PRELID2: variants seen among roughly 807,000 people sequenced by gnomAD.
PRELID2 encodes PRELI domain containing 2.
In PRELID2, 25 loss-of-function variants were observed where a neutral mutation model predicts 28.4. The ratio of observed to expected loss-of-function variants is 0.88; its 90% confidence interval spans 0.64 to 1.23. PRELID2 has a LOEUF of 1.23. Among genes scored for constraint, PRELID2 ranks in the 50% most tolerant of loss-of-function variants. The probability of loss-of-function intolerance (pLI) is 0.00; values close to 1 mark genes in which losing one functional copy is unlikely to be tolerated. For synonymous variants in PRELID2, 76 were observed against 71.6 expected (o/e 1.06, Z -0.31); for missense variants, 201 against 214.4 (o/e 0.94, Z 0.39).
At chr5:145,651,262 G>A (rs945724106) in intron 1 of PRELID2, among the ~76,000 whole-genome samples, 1 of 152,208 alleles carries the variant, frequency 6.6e-6, no homozygotes, top group African/African-American at 2.4e-5. Flanking sequence ...CAGCCTGGAA[G>A]CTCGAACTGG....
At chr5:145,344,687 C>T in the PRELID2 span, among the ~76,000 whole-genome samples, 1 of 152,034 alleles carries the variant, frequency 6.6e-6, no homozygotes, top group Non-Finnish European at 1.5e-5. Flanking sequence ...GAGGGATGCT[C>T]CTGCCAAGCT....
the PRELID2 span, among the ~76,000 whole-genome samples, chr5:145,339,869 C>T: frequency 6.6e-6 from 1 of 152,178 alleles, no homozygotes; most frequent in African/African-American, 2.4e-5. Flanking sequence ...ACTGTTGCTG[C>T]TGCCACAGGG....
At chr5:145,341,958 G>A in the PRELID2 span, among the ~76,000 whole-genome samples, 7 of 152,276 alleles carry the variant, frequency 4.6e-5, no homozygotes, top group South Asian at 1.2e-3. Context: ...GCACATTGTA[G>A]TCAGACTCTC....
intron 1 of PRELID2, among the ~76,000 whole-genome samples, chr5:145,706,828 TCA>T (rs1250280360): frequency 6.6e-6 from 1 of 152,124 alleles, no homozygotes; most frequent in Non-Finnish European, 1.5e-5. Context: ...TCAGAAAGAC[TCA>T]GTGTCTTAAT....
the PRELID2 span, among the ~76,000 whole-genome samples, chr5:145,278,432 G>C: frequency 6.6e-6 from 1 of 152,112 alleles, no homozygotes; most frequent in African/African-American, 2.4e-5. Flanking sequence ...TCATTGGCAG[G>C]ATTCAATTCC....
At chr5:145,564,934 G>T (rs995321978) in intron 1 of PRELID2, among the ~76,000 whole-genome samples, 1 of 152,122 alleles carries the variant, frequency 6.6e-6, no homozygotes, top group Non-Finnish European at 1.5e-5. Context: ...GCGCTTCCCG[G>T]ATGAAGTGAC....
Position 145,564,007 on chromosome 5 carries a change from C to T in PRELID2, n.71-90692G>A, listed in dbSNP as rs535934180. ...AAAGTCTTTTCACTATGCATATGTACGTCAAAACATCATGTTGTGCAAGTA... is the reference window on the plus strand; with the variant it reads ...AAAGTCTTTTCACTATGCATATGTATGTCAAAACATCATGTTGTGCAAGTA... On this transcript the variant is annotated intron_variant and non_coding_transcript_variant, in intron 1 of 2. Coordinates refer to the PRELID2 transcript ENST00000510259. 1.4e-3 allele frequency among the ~76,000 whole-genome samples: 216 copies of T among 152,160 alleles called. 2 individuals carry two copies. The South Asian group carries it at 0.015, about 10-fold the overall frequency.
chr5:145,245,974 CA>C, the PRELID2 span, among the ~76,000 whole-genome samples: 1 of 151,876 alleles, frequency 6.6e-6, no homozygotes, highest in Admixed American at 6.6e-5. Context: ...GGAAAGAGGA[CA>C]GGGGAGGTCA....
chr5:145,704,689 G>A (rs1280060208), intron 1 of PRELID2, among the ~76,000 whole-genome samples: 2 of 152,154 alleles, frequency 1.3e-5, no homozygotes, highest in African/African-American at 4.8e-5. Context: ...TTTTGACAAC[G>A]GCTGCAGTTG....
At chr5:145,412,704 C>A in the PRELID2 span, among the ~76,000 whole-genome samples, 1 of 152,168 alleles carries the variant, frequency 6.6e-6, no homozygotes, top group Non-Finnish European at 1.5e-5. Context: ...GCTCCCCACT[C>A]CTGGTACCAA....
At chr5:145,609,602 G>T (rs953594275) in intron 1 of PRELID2, among the ~76,000 whole-genome samples, 1 of 152,246 alleles carries the variant, frequency 6.6e-6, no homozygotes, top group African/African-American at 2.4e-5. Context: ...AAGTGGGACT[G>T]CTGGGTTGAA....
chr5:145,509,493 G>A (rs570977870), intron 1 of PRELID2, among the ~76,000 whole-genome samples: 1 of 152,258 alleles, frequency 6.6e-6, no homozygotes, highest in Admixed American at 6.5e-5. Flanking sequence ...TCACATGTCT[G>A]AGCACCCATT....
At chr5:145,627,544 C>A (rs1594676) in intron 1 of PRELID2, among the ~76,000 whole-genome samples, 31,293 of 152,026 alleles carry the variant, frequency 0.21, 5,858 homozygotes, top group African/African-American at 0.49. Context: ...AACTGCCAAC[C>A]CTACTTTCCT....
chr5:145,307,113 G>T, the PRELID2 span, among the ~76,000 whole-genome samples: 1 of 152,118 alleles, frequency 6.6e-6, no homozygotes, highest in African/African-American at 2.4e-5. Flanking sequence ...TGCTTCTGTT[G>T]CTAAGTCCTT....
intron 1 of PRELID2, among the ~76,000 whole-genome samples, chr5:145,737,730 C>A (rs1358044690): frequency 6.6e-6 from 1 of 152,190 alleles, no homozygotes; most frequent in Non-Finnish European, 1.5e-5. Flanking sequence ...CTCACCATAA[C>A]CCACACTGGC....
chr5:145,633,314 G>C (rs1411799416), intron 1 of PRELID2, among the ~76,000 whole-genome samples: 1 of 152,118 alleles, frequency 6.6e-6, no homozygotes, highest in African/African-American at 2.4e-5. Flanking sequence ...ATATAGTAAA[G>C]AGACATGTTC....
At chr5:145,601,318 G>A (rs1026988802) in intron 1 of PRELID2, among the ~76,000 whole-genome samples, 2 of 151,686 alleles carry the variant, frequency 1.3e-5, no homozygotes, top group Non-Finnish European at 2.9e-5. Context: ...AATACAGAGA[G>A]AAAAAAATGG....
At chr5:145,317,521 G>C in the PRELID2 span, among the ~76,000 whole-genome samples, 1 of 152,158 alleles carries the variant, frequency 6.6e-6, no homozygotes, top group East Asian at 1.9e-4. Context: ...AGGGAGGACT[G>C]ACCCTTGAAA....
At chr5:145,518,853 C>T (rs981853386) in intron 1 of PRELID2, among the ~76,000 whole-genome samples, 2 of 152,116 alleles carry the variant, frequency 1.3e-5, no homozygotes, top group Non-Finnish European at 2.9e-5. Flanking sequence ...CAGAACAATC[C>T]CTTACAATGA....
Sources: gnomAD v4.1 joint callset for allele counts (sites outside exome capture counted in the v4.1 genomes callset) on GRCh38, gnomAD v4.1.1 for gene constraint, MANE v1.5 for transcripts, NCBI Gene and HGNC (gene_info 2026-07-23, HGNC 2026-07-21) for gene names.